GRID2: variants seen among roughly 807,000 people sequenced by gnomAD.
The protein encoded by GRID2 is glutamate ionotropic receptor delta type subunit 2, also known as glutamate receptor ionotropic, delta-2.
GRID2 carries 33 observed loss-of-function variants against 114.8 expected under a neutral mutation model. The observed-to-expected ratio is 0.29, with a 90% CI of 0.22 to 0.38. The LOEUF is 0.38. Among genes scored for constraint, GRID2 ranks in the 10% least tolerant of loss-of-function variants. The probability of loss-of-function intolerance (pLI) is 1.00; values close to 1 mark genes in which losing one functional copy is unlikely to be tolerated. For synonymous variants in GRID2, 505 were observed against 449.9 expected (o/e 1.12, Z -1.55); for missense variants, 1,184 against 1,257.7 (o/e 0.94, Z 0.89).
At chr4:92,692,175 C>T (rs566679989) in intron 2 of GRID2, among the ~76,000 whole-genome samples, 3 of 152,174 alleles carry the variant, frequency 2.0e-5, no homozygotes, top group Middle Eastern at 3.4e-3. Context: ...AAACTAACAA[C>T]ATGTAAGAAA....
In GRID2 at chr4:93,216,909, G is replaced by C. The variant is rs1336424433; in HGVS notation, c.961G>C (p.Glu321Gln). 2 of 1,604,526 alleles carry C rather than the reference G, an allele frequency of 1.2e-6. No homozygotes were observed. The change falls in exon 6 of 16, where the codon GAG becomes CAG. Residue 321 changes from glutamate to glutamine, a missense_variant and splice_region_variant. Physicochemically the swap from Glu to Gln is conservative, Grantham distance 29. Coordinates refer to ENST00000282020, the MANE Select transcript of GRID2 (RefSeq NM_001510.4). ...AAAGGATCCATTTGCTCAGAATATG[G>C]AGGTATATTATAAATGACAGGATAT... ...DPKDPFAQNM[E>Q]ISNLYIYDTV...
chr4:92,574,108 A>T (rs962904192), intron 1 of GRID2, among the ~76,000 whole-genome samples: 1 of 151,932 alleles, frequency 6.6e-6, no homozygotes, highest in Non-Finnish European at 1.5e-5. Context: ...CTGTTTTGTC[A>T]GAAACTAGGA....
intron 2 of GRID2, among the ~76,000 whole-genome samples, chr4:92,895,405 A>ATATATATATAT (rs1560677408): frequency 3.4e-5 from 5 of 146,062 alleles, no homozygotes; most frequent in East Asian, 4.0e-4. Flanking sequence ...ATATATATAT[A>ATATATATATAT]AACTGAAAGA....
chr4:93,160,298 T>C (rs1393644168), intron 4 of GRID2, among the ~76,000 whole-genome samples: 1 of 151,730 alleles, frequency 6.6e-6, no homozygotes, highest in Admixed American at 6.6e-5. Flanking sequence ...GTAATATCAT[T>C]GAATGCTTAA....
At chr4:93,612,946 C>A (rs1378723884) in intron 13 of GRID2, among the ~76,000 whole-genome samples, 1 of 147,336 alleles carries the variant, frequency 6.8e-6, no homozygotes, top group Non-Finnish European at 1.5e-5. Flanking sequence ...CTTTCAGGTA[C>A]ACCAATCAGA....
At chr4:92,438,090 T>C (rs896756151) in intron 1 of GRID2, among the ~76,000 whole-genome samples, 12 of 151,974 alleles carry the variant, frequency 7.9e-5, no homozygotes, top group Non-Finnish European at 1.5e-4. Context: ...CTAAGACTAT[T>C]TATGACTTTC....
rs146469023 is a variant in GRID2, at chr4:92,860,154, G to C, written c.245-224841G>C. Among the ~76,000 whole-genome samples, 1,434 of 151,870 alleles carry C rather than the reference G, an allele frequency of 9.4e-3. 12 individuals are homozygous for C. The highest frequency in any genetic ancestry group is 0.034 in the Middle Eastern group (10 of 294). On this transcript the variant is annotated intron_variant, in intron 2 of 15. Transcript: ENST00000282020. ...GTTAATTTTTAAATTGAAGATTACA[G>C]ACTTAACAAGTGGCAAACCTCAGAA...
intron 2 of GRID2, among the ~76,000 whole-genome samples, chr4:92,982,705 T>C (rs1165044039): frequency 6.6e-6 from 1 of 152,126 alleles, no homozygotes; most frequent in Non-Finnish European, 1.5e-5. Flanking sequence ...ATTCCACTTA[T>C]TGTAAAGTCT....
intron 8 of GRID2, among the ~76,000 whole-genome samples, chr4:93,243,467 T>A (rs548789492): frequency 6.6e-6 from 1 of 152,084 alleles, no homozygotes; most frequent in Non-Finnish European, 1.5e-5. Flanking sequence ...GGTTTTTCAG[T>A]TGACGGACTG....
intron 8 of GRID2, among the ~76,000 whole-genome samples, chr4:93,358,866 T>C (rs1761599292): frequency 6.6e-6 from 1 of 152,120 alleles, no homozygotes; most frequent in South Asian, 2.1e-4. Flanking sequence ...TTTCTGCTAT[T>C]TTTGTCAGGT....
intron 11 of GRID2, among the ~76,000 whole-genome samples, chr4:93,457,902 A>G (rs977284635): frequency 2.0e-5 from 3 of 152,218 alleles, no homozygotes; most frequent in African/African-American, 7.2e-5. Context: ...CCAAAAGAGT[A>G]TTACTAATGT....
chr4:92,843,539 C>A (rs1431341528), intron 2 of GRID2, among the ~76,000 whole-genome samples: 1 of 152,022 alleles, frequency 6.6e-6, no homozygotes, highest in Non-Finnish European at 1.5e-5. Flanking sequence ...GGTAACATAA[C>A]ATTTTCATGA....
In GRID2 at chr4:93,302,308, C is replaced by T. The variant is rs570351925; in HGVS notation, c.1245+63818C>T. 9.8e-5 allele frequency among the ~76,000 whole-genome samples: 15 copies of T among 152,294 alleles called. No individual in the cohort carries two copies. In the South Asian group the frequency reaches 2.7e-3, roughly 27 times the overall value. ...GTTGAAACAGTTGCAATACTGTCTTCTCTATAGGAAATAAATATAGGTAAT... is the reference window on the plus strand; with the variant it reads ...GTTGAAACAGTTGCAATACTGTCTTTTCTATAGGAAATAAATATAGGTAAT... On this transcript the variant is annotated intron_variant, in intron 8 of 15. Coordinates refer to ENST00000282020, the MANE Select transcript of GRID2 (RefSeq NM_001510.4).
At chr4:92,348,510 A>G (rs1181641565) in intron 1 of GRID2, among the ~76,000 whole-genome samples, 3 of 152,164 alleles carry the variant, frequency 2.0e-5, no homozygotes, top group African/African-American at 7.2e-5. Flanking sequence ...ATTCAGTTAA[A>G]TTATGTTTAT....
chr4:93,766,358 A>C (rs1471758197), intron 14 of GRID2, among the ~76,000 whole-genome samples: 2 of 152,178 alleles, frequency 1.3e-5, no homozygotes, highest in African/African-American at 2.4e-5. Flanking sequence ...GGGAGAGAGA[A>C]TGAGTGCTGA....
rs1021403871 is a variant in GRID2 at position 92,714,004 on chromosome 4, A to G, written c.244+123718A>G. ...TCCCCCAAAGTCTTAACACATTATA[A>G]TATTAACTCAAAAGTCCACAGTCCA... On this transcript the variant is annotated intron_variant, in intron 2 of 15. Coordinates refer to ENST00000282020, the MANE Select transcript of GRID2 (RefSeq NM_001510.4). Among the ~76,000 whole-genome samples the G allele has an allele frequency of 3.9e-5, 6 of 152,080 alleles. No homozygotes were observed. In the East Asian group the frequency reaches 7.7e-4, roughly 20 times the overall value.
intron 14 of GRID2, among the ~76,000 whole-genome samples, chr4:93,742,968 G>A (rs1363709982): frequency 6.6e-6 from 1 of 152,200 alleles, no homozygotes; most frequent in Admixed American, 6.5e-5. Flanking sequence ...AGCTGAGATA[G>A]GCCAAAAGTT....
intron 8 of GRID2, among the ~76,000 whole-genome samples, chr4:93,337,504 A>G (rs991437387): frequency 1.3e-5 from 2 of 152,170 alleles, no homozygotes; most frequent in African/African-American, 4.8e-5. Flanking sequence ...CCAATCTTTT[A>G]TAATAAGCAG....
chr4:93,098,058 A>G lies in GRID2; in HGVS notation c.530-12690A>G, dbSNP rs190230060. On this transcript the variant is annotated intron_variant, in intron 3 of 15. Transcript: ENST00000282020. ...TATTCTAGTTTTTCCATCTCTCTGT[A>G]TGAGAAGATAAGACCTGACATATTT... Among the ~76,000 whole-genome samples the G allele has an allele frequency of 8.8e-4, 134 of 152,076 alleles. 1 individual carries two copies. The highest frequency in any genetic ancestry group is 3.2e-3 in the African/African-American group (133 of 41,538).
Sources: allele counts gnomAD v4.1 joint callset (sites outside exome capture counted in the v4.1 genomes callset), GRCh38; gene constraint gnomAD v4.1.1; transcripts MANE v1.5; gene names NCBI Gene and HGNC (gene_info 2026-07-23, HGNC 2026-07-21).